FRMD5: variants seen among roughly 807,000 people sequenced by gnomAD.
The protein encoded by FRMD5 is FERM domain containing 5.
FRMD5 carries 20 observed loss-of-function variants against 69.0 expected under a neutral mutation model. The observed-to-expected ratio is 0.29, with a 90% CI of 0.20 to 0.42. The LOEUF (loss-of-function observed/expected upper bound fraction) is 0.42, where lower values mean the gene tolerates loss of function less well. Ranked by LOEUF, FRMD5 falls within the 10% of genes least tolerant of loss-of-function variation. FRMD5 has a pLI of 1.00. For missense variants in FRMD5, 595 were observed against 708.6 expected (o/e 0.84, Z 1.82); for synonymous variants, 271 against 260.1 (o/e 1.04, Z -0.40).
intron 1 of FRMD5, among the ~76,000 whole-genome samples, chr15:44,036,641 A>G (rs1215789313): frequency 6.6e-6 from 1 of 152,268 alleles, no homozygotes; most frequent in Non-Finnish European, 1.5e-5. Flanking sequence ...ACTTAGAACA[A>G]AAATCAAACT....
chr15:44,085,405 G>C (rs1022247239), intron 1 of FRMD5, among the ~76,000 whole-genome samples: 1 of 152,064 alleles, frequency 6.6e-6, no homozygotes, highest in Non-Finnish European at 1.5e-5. Context: ...ATAAAATATA[G>C]CAAACATTTT....
intron 1 of FRMD5, among the ~76,000 whole-genome samples, chr15:43,976,896 T>G (rs574452943): frequency 3.4e-4 from 51 of 152,138 alleles, no homozygotes; most frequent in African/African-American, 1.2e-3. Flanking sequence ...AGTAGCGTGA[T>G]TTCAGCTCAC....
chr15:44,101,441 A>T (rs2076638934), intron 1 of FRMD5: 1 of 152,664 alleles, frequency 6.6e-6, no homozygotes, highest in African/African-American at 2.4e-5. Flanking sequence ...CCATAGCCTC[A>T]TTAACTAACC....
At position 44,195,238 on chromosome 15, in the gene FRMD5, GCCT is replaced by G; in HGVS notation, c.-187_-185del. On this transcript the variant is annotated 5_prime_UTR_variant, in exon 1 of 14. Coordinates refer to ENST00000417257, the MANE Select transcript of FRMD5 (RefSeq NM_032892.5). ...CCTCCTCCTTCCCTCAGCCGCCACC[GCCT>G]CCCCCCAGCCCAGATCAAGCGCCGG... The G allele has an allele frequency of 5.5e-6, 3 of 542,586 alleles. No individual in the cohort carries two copies. In the South Asian group the frequency reaches 6.8e-5, roughly 12 times the overall value. 33.6% of individuals were successfully genotyped at this position (542,586 alleles called of 1,614,324 possible).
rs1363585606 is a variant in FRMD5, at chr15:44,192,772, G to A, written c.102+2181C>T. 7.9e-5 allele frequency among the ~76,000 whole-genome samples: 12 copies of A among 152,274 alleles called. No individual in the cohort carries two copies. The East Asian group carries it at 2.3e-3, about 29-fold the overall frequency. On this transcript the variant is annotated intron_variant, in intron 1 of 13. Coordinates refer to ENST00000417257, the MANE Select transcript of FRMD5 (RefSeq NM_032892.5). ...ATTCGCCAAAGTGATGCCAAAGAAT[G>A]ACAACATTACATATACTTAACAATC...
At chr15:44,139,322 C>T (rs1360430507) in intron 1 of FRMD5, among the ~76,000 whole-genome samples, 1 of 151,566 alleles carries the variant, frequency 6.6e-6, no homozygotes, top group Non-Finnish European at 1.5e-5. Context: ...CACACACACA[C>T]ACACACACTT....
At chr15:44,041,685 G>T (rs900017799) in intron 1 of FRMD5, among the ~76,000 whole-genome samples, 2 of 152,130 alleles carry the variant, frequency 1.3e-5, no homozygotes, top group Non-Finnish European at 2.9e-5. Flanking sequence ...TGACTACTGG[G>T]TACATAATGA....
At chr15:44,041,629 T>C (rs1047340509) in intron 1 of FRMD5, among the ~76,000 whole-genome samples, 5 of 152,112 alleles carry the variant, frequency 3.3e-5, no homozygotes, top group Non-Finnish European at 7.4e-5. Context: ...AAGAAACTCA[T>C]GCAAAATCGC....
intron 1 of FRMD5, among the ~76,000 whole-genome samples, chr15:44,095,005 G>A (rs1021394846): frequency 2.0e-5 from 3 of 152,006 alleles, no homozygotes; most frequent in East Asian, 3.9e-4. Context: ...GGAGCCAGCC[G>A]ACATAGAGTC....
chr15:44,099,898 C>G (rs549563289), intron 1 of FRMD5, among the ~76,000 whole-genome samples: 5 of 152,210 alleles, frequency 3.3e-5, no homozygotes, highest in African/African-American at 1.2e-4. Context: ...CCGAACTATT[C>G]TGATTAAGCA....
intron 7 of FRMD5, among the ~76,000 whole-genome samples, chr15:43,896,136 T>A (rs2088905979): frequency 6.6e-6 from 1 of 152,122 alleles, no homozygotes; most frequent in African/African-American, 2.4e-5. Context: ...CAAACTAGGG[T>A]CCTGATAGCT....
Position 43,870,802 on chromosome 15 carries a change from C to T in FRMD5, c.*3083G>A, listed in dbSNP as rs1308893442. The T allele has an allele frequency of 6.6e-6, 1 of 152,146 alleles. No homozygotes were observed. The highest frequency in any genetic ancestry group is 2.4e-5 in the African/African-American group (1 of 41,408). 9.4% of individuals were successfully genotyped at this position (152,146 alleles called of 1,614,324 possible). A position where few individuals can be genotyped will look rare whatever the true frequency, so the allele number is the denominator to read the frequency against. ...TTTATTTAAGTTTAAAAATAATCTT[C>T]ATGGCACCAATGATTTTATGCTAAC... On this transcript the variant is annotated 3_prime_UTR_variant, in exon 14 of 14. Transcript: ENST00000417257.
intron 1 of FRMD5, among the ~76,000 whole-genome samples, chr15:44,064,475 G>A (rs1893226793): frequency 6.6e-6 from 1 of 152,114 alleles, no homozygotes; most frequent in Non-Finnish European, 1.5e-5. Flanking sequence ...CTGTAATCCA[G>A]GTACTCTGGA....
intron 1 of FRMD5, among the ~76,000 whole-genome samples, chr15:44,019,437 A>T (rs1182315847): frequency 1.4e-5 from 2 of 140,894 alleles, no homozygotes; most frequent in African/African-American, 5.7e-5. Context: ...CATCCTGTTA[A>T]AAAAAAAAAA....
chr15:44,053,544 T>C lies in FRMD5; in HGVS notation c.103-129235A>G, dbSNP rs190209693. ...TGGAGATGGAGAAAAGCAGACAGAT[T>C]TGAGTTATGTAGGAAGCAAAATTGA... On this transcript the variant is annotated intron_variant, in intron 1 of 13. Transcript: ENST00000417257. 3.3e-3 allele frequency among the ~76,000 whole-genome samples: 506 copies of C among 151,916 alleles called. 2 individuals are homozygous for C. Among genetic ancestry groups the C allele is most frequent in the Non-Finnish European group, 5.4e-3 (366 of 67,966 alleles).
chr15:43,921,312 T>C (rs1009327264), intron 2 of FRMD5, among the ~76,000 whole-genome samples: 1 of 152,138 alleles, frequency 6.6e-6, no homozygotes, highest in Non-Finnish European at 1.5e-5. Flanking sequence ...ATTAGACTGA[T>C]AGATTAAAAG....
At chr15:43,902,333 T>C (rs572563350) in intron 6 of FRMD5, 71 bp from the exon 7 acceptor site, 1 of 1,264,934 alleles carries the variant, frequency 7.9e-7, no homozygotes, top group South Asian at 1.2e-5. Context: ...AAACTCTCTA[T>C]GAAGATGTGC....
At chr15:43,895,794 G>A (rs894549408) in intron 7 of FRMD5, among the ~76,000 whole-genome samples, 1 of 152,156 alleles carries the variant, frequency 6.6e-6, no homozygotes, top group African/African-American at 2.4e-5. Context: ...GAAGGGACTC[G>A]AATTACAGTG....
At chr15:44,155,178 A>G (rs997845583) in intron 1 of FRMD5, among the ~76,000 whole-genome samples, 1 of 152,142 alleles carries the variant, frequency 6.6e-6, no homozygotes, top group Non-Finnish European at 1.5e-5. Context: ...CTCACACTGT[A>G]ATCCCAACAC....
Sources: gnomAD v4.1 joint callset for allele counts (sites outside exome capture counted in the v4.1 genomes callset) on GRCh38, gnomAD v4.1.1 for gene constraint, MANE v1.5 for transcripts, NCBI Gene and HGNC (gene_info 2026-07-23, HGNC 2026-07-21) for gene names.